The following GPR174 variants were observed in gnomAD, a reference collection of about 807,000 sequenced individuals.
GPR174 encodes probable G protein-coupled receptor 174.
Under a neutral mutation model 16.5 loss-of-function variants are expected in GPR174, and 8 were observed. The observed-to-expected ratio is 0.48, with a 90% CI of 0.28 to 0.87. The LOEUF is 0.87. Among genes scored for constraint, GPR174 ranks in the 40% least tolerant of loss-of-function variants. GPR174 has a pLI of 0.09. For missense variants in GPR174, 214 were observed against 247.5 expected, an observed-to-expected ratio of 0.86 and a Z score of 0.91; for synonymous variants, 111 against 94.8, an observed-to-expected ratio of 1.17 and a Z score of -0.99.
At chrX:79,169,251 C>T (rs774048130) in intron 2 of GPR174, among the ~76,000 whole-genome samples, 14 of 111,593 alleles carry the variant, frequency 1.3e-4, no homozygotes, top group African/African-American at 4.2e-4. Flanking sequence ...CAATAAGTGT[C>T]TCATTTAAAA....
At position 79,170,738 on chromosome X, in the gene GPR174, G is replaced by C. The variant is rs1377613237; in HGVS notation, c.-270G>C. ...CCAGAGGGCCTTAAAATAAACAAGA[G>C]GGGAAATTGTAACAGCTTGTCATCT... On this transcript the variant is annotated 5_prime_UTR_variant, in exon 3 of 3. Transcript: ENST00000645147. The C allele has an allele frequency of 3.0e-6, 1 of 335,362 alleles. No individual in the cohort carries two copies. The highest frequency in any genetic ancestry group is 5.1e-6 in the Non-Finnish European group (1 of 195,966). 27.6% of individuals were successfully genotyped at this position (335,362 alleles called of 1,213,427 possible).
chrX:79,162,999 G>A (rs1187797249), intron 2 of GPR174, among the ~76,000 whole-genome samples: 1 of 111,866 alleles, frequency 8.9e-6, no homozygotes, highest in Non-Finnish European at 1.9e-5. Flanking sequence ...GTCAGACAGA[G>A]ACATCGAGGT....
Position 79,172,574 on chromosome X carries a change from T to A in GPR174, c.*565T>A, listed in dbSNP as rs1277873890. 1 of 112,480 alleles carries A rather than the reference T, an allele frequency of 8.9e-6. No homozygotes were observed. The highest frequency in any genetic ancestry group is 3.2e-5 in the African/African-American group (1 of 30,912). The allele number at this position is 112,480 out of a possible 1,213,427, so 9.3% of individuals were successfully genotyped here. A position where few individuals can be genotyped will look rare whatever the true frequency, so the allele number is the denominator to read the frequency against. ...GAGTTTGAAGATTAAAATAGCTATT[T>A]TCTTCATTTTTGTGTCAACATGAAA... On this transcript the variant is annotated 3_prime_UTR_variant, in exon 3 of 3. Transcript: ENST00000645147.
rs753466887 is a variant in GPR174 at position 79,171,552 on chromosome X, C to G, written c.545C>G (p.Ser182Cys). The G allele has an allele frequency of 1.7e-6, 2 of 1,211,066 alleles. No homozygotes were observed. Among genetic ancestry groups the G allele is most frequent in the Non-Finnish European group, 2.2e-6 (2 of 895,306 alleles). The change falls in exon 3 of 3, where the codon TCC (serine) becomes TGC (cysteine). Residue 182 changes from serine to cysteine, a missense_variant. Transcript: ENST00000645147. Reference sequence around the variant, plus strand: ...ACCAGGAATGTCAACCTGGCCCAGTCCGTTGTTATGATGACCATTGGCGAG... The same window carrying G: ...ACCAGGAATGTCAACCTGGCCCAGTGCGTTGTTATGATGACCATTGGCGAG... ...LPTRNVNLAQ[S>C]VVMMTIGELI...
intron 2 of GPR174, among the ~76,000 whole-genome samples, chrX:79,165,034 C>T (rs1351537172): frequency 9.0e-6 from 1 of 110,934 alleles, no homozygotes; most frequent in East Asian, 2.8e-4. Context: ...GCTCCATGTG[C>T]GCTTTTTAGA....
rs1229470896 is a variant in GPR174 at position 79,175,022 on chromosome X, ATTG to A, written c.*3016_*3018del. On this transcript the variant is annotated 3_prime_UTR_variant, in exon 3 of 3. Coordinates refer to ENST00000645147, the MANE Select transcript of GPR174 (RefSeq NM_032553.3). ...TATGTAGTGATTTCTATGTAAAAAT[ATTG>A]TTATTATTATTATATTCAAATGGTT... The A allele has an allele frequency of 8.9e-6, 1 of 111,797 alleles. No individual in the cohort carries two copies. The highest frequency in any genetic ancestry group is 3.3e-5 in the African/African-American group (1 of 30,754). 9.2% of individuals were successfully genotyped at this position (111,797 alleles called of 1,213,427 possible). A position where few individuals can be genotyped will look rare whatever the true frequency, so the allele number is the denominator to read the frequency against.
At chrX:79,156,652 C>T (rs191112118) in intron 1 of GPR174, among the ~76,000 whole-genome samples, 170 bp from the exon 2 acceptor site, 1 of 111,830 alleles carries the variant, frequency 8.9e-6, no homozygotes, top group East Asian at 2.8e-4. Context: ...AAGAGATTCT[C>T]ACTCACTCTA....
In GPR174 at chrX:79,167,602, C is replaced by A. The variant is rs762198033; in HGVS notation, c.-556-2850C>A. Among the ~76,000 whole-genome samples the A allele has an allele frequency of 4.5e-5, 5 of 110,836 alleles. No individual in the cohort carries two copies. In the South Asian group the frequency reaches 1.9e-3, roughly 43 times the overall value. On this transcript the variant is annotated intron_variant, in intron 2 of 2. Transcript: ENST00000645147. The stretch of plus-strand genomic sequence containing the variant: ...TATTCTCCACAATATGGAATGATCA[C>A]AAATTAAGAAATCTGAGAAAAGGCA...
chrX:79,149,390 T>C (rs1429603485), intron 1 of GPR174, among the ~76,000 whole-genome samples: 4 of 111,734 alleles, frequency 3.6e-5, no homozygotes, highest in African/African-American at 1.3e-4. Flanking sequence ...TAAAGCTAGG[T>C]AGTACTGATT....
In GPR174 at chrX:79,174,426, A is replaced by G. The variant is rs1462319569; in HGVS notation, c.*2417A>G. On this transcript the variant is annotated 3_prime_UTR_variant, in exon 3 of 3. Transcript: ENST00000645147. Reference sequence around the variant, plus strand: ...TAGGTTCATATTAATTTACCCAGGAATATCTGAATTCCAGGCTTTAGGACT... The same window carrying G: ...TAGGTTCATATTAATTTACCCAGGAGTATCTGAATTCCAGGCTTTAGGACT... 1 of 107,847 alleles carries G rather than the reference A, an allele frequency of 9.3e-6. No individual in the cohort carries two copies. The highest frequency in any genetic ancestry group is 3.4e-5 in the African/African-American group (1 of 29,565). 8.9% of individuals were successfully genotyped at this position (107,847 alleles called of 1,213,427 possible). A position where few individuals can be genotyped will look rare whatever the true frequency, so the allele number is the denominator to read the frequency against.
At chrX:79,146,834 A>C (rs1926508738) in intron 1 of GPR174, among the ~76,000 whole-genome samples, 1 of 111,639 alleles carries the variant, frequency 9.0e-6, no homozygotes, top group Non-Finnish European at 1.9e-5. Context: ...GAAGAGGACA[A>C]AGAAACACAC....
chrX:79,147,996 A>G (rs1191433890), intron 1 of GPR174, among the ~76,000 whole-genome samples: 3 of 112,348 alleles, frequency 2.7e-5, no homozygotes, highest in Non-Finnish European at 3.8e-5. Flanking sequence ...ATCAAGATGC[A>G]GACAGAGCTC....
chrX:79,148,136 A>G (rs1926536889), intron 1 of GPR174, among the ~76,000 whole-genome samples: 2 of 111,814 alleles, frequency 1.8e-5, no homozygotes. Flanking sequence ...AACCATTATC[A>G]GGTTCAGTTA....
chrX:79,150,165 A>G lies in GPR174; in HGVS notation c.-654+4948A>G, dbSNP rs61224309. 3.6e-3 allele frequency among the ~76,000 whole-genome samples: 404 copies of G among 111,638 alleles called. 3 individuals carry two copies. Among genetic ancestry groups the G allele is most frequent in the African/African-American group, 0.013 (389 of 30,808 alleles). ...AGTTGATCACCCCAGGTTATAAGTTATTCCTTGACTGGGACTTGGGCCAAA... is the reference window on the plus strand; with the variant it reads ...AGTTGATCACCCCAGGTTATAAGTTGTTCCTTGACTGGGACTTGGGCCAAA... On this transcript the variant is annotated intron_variant, in intron 1 of 2. Transcript: ENST00000645147.
intron 2 of GPR174, among the ~76,000 whole-genome samples, chrX:79,169,705 G>A (rs1921461993): frequency 9.0e-6 from 1 of 111,238 alleles, no homozygotes; most frequent in Non-Finnish European, 1.9e-5. Flanking sequence ...AGGCCCCTAA[G>A]CTAAAATTTA....
chrX:79,165,271 G>A (rs749197429), intron 2 of GPR174, among the ~76,000 whole-genome samples: 4 of 101,763 alleles, frequency 3.9e-5, no homozygotes, highest in Non-Finnish European at 8.0e-5. Context: ...AGTAAAGCAC[G>A]GGTAAACGTG....
In GPR174 at chrX:79,171,641, C is replaced by A; in HGVS notation, c.634C>A (p.Leu212Met). ...TTGTACCTGGAAGACGGTTTTATCA[C>A]TGCAAGATAAATATCCCATGGCCCA... ...LYCTWKTVLS[L>M]QDKYPMAQDL... The change falls in exon 3 of 3, where the codon CTG becomes ATG. Residue 212 changes from leucine (L) to methionine (M), a missense_variant. Transcript: ENST00000645147. 2.5e-6 allele frequency: 3 copies of A among 1,211,439 alleles called. No homozygotes were observed. Among genetic ancestry groups the A allele is most frequent in the Non-Finnish European group, 3.4e-6 (3 of 895,369 alleles).
chrX:79,156,042 A>T (rs910754083), intron 1 of GPR174, among the ~76,000 whole-genome samples: 3 of 112,293 alleles, frequency 2.7e-5, no homozygotes, highest in African/African-American at 9.7e-5. Context: ...CACTTTCTAA[A>T]GGAAAATCTA....
rs2147444957 is a variant in GPR174 at position 79,145,050 on chromosome X, CTTTCTTTCTTTCTTTT to C, written c.-817_-802del. ...TCTTTCTTTCTTTCTTTCTTTCTTT[CTTTCTTTCTTTCTTTT>C]TTTTCTCCTTTTGCTAGTGAAGGAG... On this transcript the variant is annotated 5_prime_UTR_variant, in exon 1 of 3. Coordinates refer to ENST00000645147, the MANE Select transcript of GPR174 (RefSeq NM_032553.3). The C allele has an allele frequency of 2.2e-5, 1 of 45,598 alleles. No homozygotes were observed. The highest frequency in any genetic ancestry group is 2.2e-4 in the Admixed American group (1 of 4,535). 3.8% of individuals were successfully genotyped at this position (45,598 alleles called of 1,213,427 possible).
Sources: allele counts gnomAD v4.1 joint callset (sites outside exome capture counted in the v4.1 genomes callset), GRCh38; gene constraint gnomAD v4.1.1; transcripts MANE v1.5; gene names NCBI Gene and HGNC (gene_info 2026-07-23, HGNC 2026-07-21).